FBXL17: variants seen among roughly 807,000 people sequenced by gnomAD.
FBXL17 encodes the protein F-box/LRR-repeat protein 17.
Under a neutral mutation model 66.2 loss-of-function variants are expected in FBXL17, and 22 were observed. That is an observed-to-expected ratio of 0.33 (90% CI 0.24 to 0.47). The LOEUF is 0.47. FBXL17 is among the 20% of genes least tolerant of loss of function. FBXL17 has a pLI of 1.00. For missense variants in FBXL17, 878 were observed against 948.2 expected, an observed-to-expected ratio of 0.93 and a Z score of 0.97; for synonymous variants, 474 against 400.5, an observed-to-expected ratio of 1.18 and a Z score of -2.19.
chr5:108,204,546 C>A lies in FBXL17; in HGVS notation c.1615-18299G>T, dbSNP rs4957745. On this transcript the variant is annotated intron_variant, in intron 5 of 8. Coordinates refer to ENST00000542267, the MANE Select transcript of FBXL17 (RefSeq NM_001163315.3). Reference sequence around the variant, plus strand: ...TTTGTACTGATTTGATATAAATAAACACACAAGAGATTTGTGACATTATAT... The same window carrying A: ...TTTGTACTGATTTGATATAAATAAAAACACAAGAGATTTGTGACATTATAT... Among the ~76,000 whole-genome samples the A allele has an allele frequency of 1.9e-3, 291 of 152,240 alleles. 3 individuals are homozygous for A. Among genetic ancestry groups the A allele is most frequent in the Non-Finnish European group, 2.0e-3 (137 of 67,998 alleles).
At chr5:107,886,202 G>A (rs1748965214) in intron 7 of FBXL17, among the ~76,000 whole-genome samples, 1 of 152,172 alleles carries the variant, frequency 6.6e-6, no homozygotes, top group South Asian at 2.1e-4. Flanking sequence ...TAACTACTCT[G>A]TGTAATCTAG....
intron 4 of FBXL17, among the ~76,000 whole-genome samples, chr5:108,291,897 T>C (rs1006865988): frequency 1.3e-5 from 2 of 152,138 alleles, no homozygotes; most frequent in African/African-American, 4.8e-5. Context: ...TCTACTTCCT[T>C]AATACCCTCT....
At chr5:107,945,443 A>G (rs376153238) in intron 7 of FBXL17, among the ~76,000 whole-genome samples, 1 of 152,178 alleles carries the variant, frequency 6.6e-6, no homozygotes, top group Non-Finnish European at 1.5e-5. Flanking sequence ...CTGTAATATA[A>G]AAGTGGAAAA....
At chr5:108,142,076 T>G (rs1285420998) in intron 6 of FBXL17, among the ~76,000 whole-genome samples, 1 of 152,220 alleles carries the variant, frequency 6.6e-6, no homozygotes, top group African/African-American at 2.4e-5. Context: ...CCCTGGCACT[T>G]AAAAGCATAT....
intron 5 of FBXL17, among the ~76,000 whole-genome samples, chr5:108,215,347 A>T (rs552209701): frequency 6.6e-6 from 1 of 152,288 alleles, no homozygotes; most frequent in African/African-American, 2.4e-5. Context: ...AAGGGTTCTA[A>T]TTTCTCCACT....
intron 6 of FBXL17, among the ~76,000 whole-genome samples, chr5:108,123,292 A>G (rs1438069151): frequency 2.6e-5 from 4 of 151,942 alleles, no homozygotes; most frequent in East Asian, 1.9e-4. Context: ...TAGACTGTCA[A>G]TTTTCCTCTT....
chr5:108,206,084 A>G (rs1034959350), intron 5 of FBXL17, among the ~76,000 whole-genome samples: 33 of 152,120 alleles, frequency 2.2e-4, no homozygotes, highest in African/African-American at 7.5e-4. Context: ...ATATCAATCC[A>G]CATATAATCG....
intron 7 of FBXL17, among the ~76,000 whole-genome samples, chr5:107,937,048 T>C (rs919436185): frequency 4.6e-5 from 7 of 151,952 alleles, no homozygotes; most frequent in African/African-American, 1.7e-4. Context: ...AAAAACACAA[T>C]GGCTAATGTC....
At chr5:108,240,767 ATTCTG>A (rs1755820834) in intron 4 of FBXL17, among the ~76,000 whole-genome samples, 3 of 152,180 alleles carry the variant, frequency 2.0e-5, no homozygotes, top group Non-Finnish European at 4.4e-5. Context: ...ACCCAGTGCT[ATTCTG>A]GTTCAGGTCT....
intron 6 of FBXL17, among the ~76,000 whole-genome samples, chr5:108,174,497 G>T (rs62359504): frequency 4.6e-5 from 7 of 152,034 alleles, no homozygotes; most frequent in Non-Finnish European, 8.8e-5. Context: ...TGGTGGTTTT[G>T]AAACTCCTGC....
chr5:108,142,129 C>G (rs1751374775), intron 6 of FBXL17, among the ~76,000 whole-genome samples: 3 of 152,088 alleles, frequency 2.0e-5, no homozygotes, highest in Admixed American at 6.5e-5. Context: ...CATATATAAA[C>G]AAAAAACACA....
In FBXL17 at chr5:108,381,148, G is replaced by GC; in HGVS notation, c.543dup (p.Pro182AlafsTer113). The stretch of plus-strand genomic sequence containing the variant: ...GGGAGCTCGGCCGGTGACGGTGTCG[G>GC]CCCCCGGAAGAGCTGCACGGCGGCG... On this transcript the variant is annotated frameshift_variant, in exon 1 of 9. Transcript: ENST00000542267. LOFTEE classifies it high-confidence loss of function. The GC allele has an allele frequency of 7.1e-7, 1 of 1,399,332 alleles. No individual in the cohort carries two copies. The highest frequency in any genetic ancestry group is 9.3e-7 in the Non-Finnish European group (1 of 1,079,450). 86.7% of individuals were successfully genotyped at this position (1,399,332 alleles called of 1,614,324 possible).
intron 7 of FBXL17, among the ~76,000 whole-genome samples, chr5:107,967,592 A>G (rs1014127870): frequency 2.0e-5 from 3 of 151,828 alleles, no homozygotes; most frequent in African/African-American, 7.3e-5. Context: ...ACAACAAGTT[A>G]ATGGGTGCAG....
At chr5:107,902,609 T>C (rs1391238798) in intron 7 of FBXL17, among the ~76,000 whole-genome samples, 1 of 152,138 alleles carries the variant, frequency 6.6e-6, no homozygotes, top group Non-Finnish European at 1.5e-5. Context: ...AAAGCATGGG[T>C]ATCTCAGAGG....
chr5:108,247,157 A>G (rs988758849), intron 4 of FBXL17, among the ~76,000 whole-genome samples: 2 of 152,218 alleles, frequency 1.3e-5, no homozygotes, highest in Non-Finnish European at 2.9e-5. Flanking sequence ...CATGAGATAA[A>G]TGCTAAAACG....
At chr5:108,202,770 C>G (rs1468744350) in intron 5 of FBXL17, among the ~76,000 whole-genome samples, 1 of 152,154 alleles carries the variant, frequency 6.6e-6, no homozygotes, top group Non-Finnish European at 1.5e-5. Flanking sequence ...AATTTATCAT[C>G]TAACAGTTTC....
At chr5:107,871,510 T>G (rs1204260036) in intron 8 of FBXL17, among the ~76,000 whole-genome samples, 2 of 152,142 alleles carry the variant, frequency 1.3e-5, no homozygotes, top group Admixed American at 6.5e-5. Flanking sequence ...CAAGCTATCC[T>G]CCACTGAGAA....
chr5:107,883,021 GACTT>G, intron 7 of FBXL17, among the ~76,000 whole-genome samples: 1 of 152,222 alleles, frequency 6.6e-6, no homozygotes, highest in South Asian at 2.1e-4. Flanking sequence ...CTTTTCTTTT[GACTT>G]ACTACTATTT....
rs145190395 is a variant in FBXL17 at position 108,332,119 on chromosome 5, G to T, written c.1506+16280C>A. 1.3e-4 allele frequency among the ~76,000 whole-genome samples: 20 copies of T among 152,226 alleles called. No homozygotes were observed. The East Asian group carries it at 3.9e-3, about 29-fold the overall frequency. ...AAAGAATGATAAACATAAAATTCAGGATAGCAGTTACCTTTGAAGGGGAGT... is the reference window on the plus strand; with the variant it reads ...AAAGAATGATAAACATAAAATTCAGTATAGCAGTTACCTTTGAAGGGGAGT... On this transcript the variant is annotated intron_variant, in intron 4 of 8. Coordinates refer to ENST00000542267, the MANE Select transcript of FBXL17 (RefSeq NM_001163315.3).
Sources: allele counts gnomAD v4.1 joint callset (sites outside exome capture counted in the v4.1 genomes callset), GRCh38; gene constraint gnomAD v4.1.1; transcripts MANE v1.5; gene names NCBI Gene and HGNC (gene_info 2026-07-23, HGNC 2026-07-21).